Variants in ADAD2 observed in about 807,000 individuals in gnomAD.
ADAD2 encodes the protein adenosine deaminase domain-containing protein 2.
A neutral mutation model predicts 54.5 loss-of-function variants in ADAD2; 60 were observed. That is an observed-to-expected ratio of 1.10 (90% CI 0.89 to 1.36). The LOEUF (loss-of-function observed/expected upper bound fraction) is 1.36, where lower values mean the gene tolerates loss of function less well. ADAD2 is among the 40% of genes most tolerant of loss of function. The pLI is 0.00. For missense variants in ADAD2, 1,103 were observed against 801.3 expected, an observed-to-expected ratio of 1.38 and a Z score of -4.54; for synonymous variants, 543 against 366.2, an observed-to-expected ratio of 1.48 and a Z score of -5.51.
chr16:84,195,100 A>G lies in ADAD2; in HGVS notation c.639A>G (p.Ala213=), dbSNP rs749994006. Residue 213 remains alanine, a synonymous_variant, in exon 4 of 10, where the codon GCA becomes GCG. Transcript: ENST00000315906. The stretch of plus-strand genomic sequence containing the variant: ...TCCTGACCCATGAGCAGCGCTGCGC[A>G]GCGTTGGTGAGCGCCGGCTTTGACC... ...ENILTHEQRC[A]ALVSAGFDLL... is the part of the protein sequence containing the mutation. 3.1e-6 allele frequency: 5 copies of G among 1,613,592 alleles called. No individual in the cohort carries two copies. Among genetic ancestry groups the G allele is most frequent in the Admixed American group, 3.3e-5 (2 of 59,996 alleles).
chr16:84,191,883 G>C (rs925992599), intron 1 of ADAD2: 5 of 655,202 alleles, frequency 7.6e-6, no homozygotes, highest in African/African-American at 5.4e-5. Flanking sequence ...GTCATGGCAG[G>C]TGAACATTCT....
rs547879944 is a variant in ADAD2 at position 84,191,641 on chromosome 16, G to C, written c.411G>C (p.Gln137His). The change falls in exon 1 of 10, where the codon CAG becomes CAC. Residue 137 changes from glutamine to histidine, a missense_variant. Physicochemically the swap from Gln to His is conservative, Grantham distance 24. Coordinates refer to ENST00000315906, the MANE Select transcript of ADAD2 (RefSeq NM_001145400.2). ...LGIFLLFRED[Q>H]PPGPCFPFSV... The stretch of plus-strand genomic sequence containing the variant: ...TCTTCCTGCTCTTCCGGGAGGACCA[G>C]CCACCAGGTGAGGCCGGGCCGGGGC... 414 of 1,557,878 alleles carry C rather than the reference G, an allele frequency of 2.7e-4. 5 individuals carry two copies. In the South Asian group the frequency reaches 4.2e-3, roughly 16 times the overall value.
intron 9 of ADAD2, 24 bp from the exon 10 acceptor site, chr16:84,196,846 C>A (rs1425269983): frequency 1.6e-5 from 25 of 1,593,120 alleles, no homozygotes; most frequent in Non-Finnish European, 2.1e-5. Context: ...CTCCTCTCAC[C>A]CCACCTCTCA....
chr16:84,195,840 C>T lies in ADAD2; in HGVS notation c.1078C>T (p.Leu360Phe), dbSNP rs1428605567. ...IYLPPTSEGGLPHSPPMRLQA... is the reference protein window; with the variant it reads ...IYLPPTSEGGFPHSPPMRLQA... ...CCTGCCCCCCACCTCGGAAGGTGGC[C>T]TCCCGCACAGCCCACCCATGCGCCT... The change falls in exon 7 of 10, where the codon CTC (leucine) becomes TTC (phenylalanine). Residue 360 changes from leucine (L) to phenylalanine (F), a missense_variant. By Grantham distance (22) the Leu-to-Phe change is conservative (BLOSUM62 0). Coordinates refer to ENST00000315906, the MANE Select transcript of ADAD2 (RefSeq NM_001145400.2). 6.2e-7 allele frequency: 1 copy of T among 1,607,410 alleles called. No individual in the cohort carries two copies. Among genetic ancestry groups the T allele is most frequent in the Non-Finnish European group, 8.5e-7 (1 of 1,178,818 alleles).
At position 84,197,106 on chromosome 16, in the gene ADAD2, C is replaced by G. The variant is rs554776082; in HGVS notation, c.*132C>G. 1.1e-6 allele frequency: 1 copy of G among 924,486 alleles called. No homozygotes were observed. Among genetic ancestry groups the G allele is most frequent in the Admixed American group, 2.7e-5 (1 of 37,464 alleles). The allele number at this position is 924,486 out of a possible 1,614,324, so 57.3% of individuals were successfully genotyped here. ...ACTGGGGCTGGAGGGAAGGAGGAGC[C>G]TGCTGTGGTTGGGAGGCGGCTGCTG... is the stretch of plus-strand genomic sequence containing the variant. On this transcript the variant is annotated 3_prime_UTR_variant, in exon 10 of 10. Coordinates refer to ENST00000315906, the MANE Select transcript of ADAD2 (RefSeq NM_001145400.2).
rs139313669 is a variant in ADAD2, at chr16:84,194,612, C to T, written c.559+30C>T. 1,693 of 1,585,960 alleles carry T rather than the reference C, an allele frequency of 1.1e-3. 21 individuals are homozygous for T. The African/African-American group carries it at 0.02, about 19-fold the overall frequency. On this transcript the variant is annotated intron_variant, in intron 2 of 9. Coordinates refer to ENST00000315906, the MANE Select transcript of ADAD2 (RefSeq NM_001145400.2). ...TGGAGGGAGGGCCAGGCAGCTGAGC[C>T]GCAGCTGGGGACAAGAGGACTGAGG...
chr16:84,195,521 C>G lies in ADAD2; in HGVS notation c.885-9C>G. On this transcript the variant is annotated splice_polypyrimidine_tract_variant and intron_variant, in intron 5 of 9. Coordinates refer to ENST00000315906, the MANE Select transcript of ADAD2 (RefSeq NM_001145400.2). ...GTCTTCCCAACCACCCTGTGCCTGT[C>G]GCTCCTAGGTTCTTGTTCCGGCAGC... is the stretch of plus-strand genomic sequence containing the variant. 6.3e-7 allele frequency: 1 copy of G among 1,599,352 alleles called. No homozygotes were observed. The highest frequency in any genetic ancestry group is 8.5e-7 in the Non-Finnish European group (1 of 1,171,444).
At chr16:84,194,636 G>A (rs748779610) in intron 2 of ADAD2, 54 bp downstream of exon 2, 10 of 1,564,228 alleles carry the variant, frequency 6.4e-6, no homozygotes, top group African/African-American at 2.7e-5. Context: ...AGAGGACTGA[G>A]GCTGGCAGTC....
chr16:84,191,562 C>G lies in ADAD2; in HGVS notation c.332C>G (p.Pro111Arg). 1 of 1,549,006 alleles carries G rather than the reference C, an allele frequency of 6.5e-7. No homozygotes were observed. The highest frequency in any genetic ancestry group is 8.7e-7 in the Non-Finnish European group (1 of 1,146,792). Reference sequence around the variant, plus strand: ...GGGCTCAGCCTGCCGCTCAAAGACCCACCTGCCAGCCAGGCCGTGTCCTTG... The same window carrying G: ...GGGCTCAGCCTGCCGCTCAAAGACCGACCTGCCAGCCAGGCCGTGTCCTTG... The part of the protein sequence containing the change: ...PAGLSLPLKD[P>R]PASQAVSLLT... The change falls in exon 1 of 10, where the codon CCA becomes CGA. Residue 111 changes from proline to arginine, a missense_variant. Pro to Arg is a moderately radical substitution (Grantham distance 103, BLOSUM62 -2). Transcript: ENST00000315906.
rs772427252 is a variant in ADAD2 at position 84,191,305 on chromosome 16, C to T, written c.75C>T (p.Ile25=). 3 of 1,590,198 alleles carry T rather than the reference C, an allele frequency of 1.9e-6. No homozygotes were observed. The highest frequency in any genetic ancestry group is 1.7e-5 in the Admixed American group (1 of 58,252). Residue 25 remains isoleucine, a synonymous_variant, in exon 1 of 10, where the codon ATC becomes ATT. Transcript: ENST00000315906. ...RKPRLAASLQ[I]SPQPRPWRPL... ...CCCGCCTGGCTGCATCGTTGCAGAT[C>T]AGCCCCCAGCCCCGCCCCTGGCGAC...
chr16:84,196,305 C>CAACTGGAG lies in ADAD2; in HGVS notation c.1462_1469dup (p.Ser490ArgfsTer20). ...CTGACACCTGCCGTGGCCTGAGCCTCAACTGGAGCCTGGGGGACCCTGGCA... is the reference window on the plus strand; with the variant it reads ...CTGACACCTGCCGTGGCCTGAGCCTCAACTGGAGAACTGGAGCCTGGGGGACCCTGGCA... On this transcript the variant is annotated frameshift_variant, in exon 8 of 10. Coordinates refer to ENST00000315906, the MANE Select transcript of ADAD2 (RefSeq NM_001145400.2). LOFTEE classifies it high-confidence loss of function. The CAACTGGAG allele has an allele frequency of 6.2e-7, 1 of 1,612,996 alleles. No individual in the cohort carries two copies. Among genetic ancestry groups the CAACTGGAG allele is most frequent in the South Asian group, 1.1e-5 (1 of 91,086 alleles).
chr16:84,194,913 G>A lies in ADAD2; in HGVS notation c.560-20G>A, dbSNP rs531874348. On this transcript the variant is annotated intron_variant, in intron 2 of 9. Coordinates refer to ENST00000315906, the MANE Select transcript of ADAD2 (RefSeq NM_001145400.2). ...TGGGCCTTGGCACCCACACCAGCCC[G>A]CCCTCCTTGCCTCTTTCAGAGTCCC... 3.5e-5 allele frequency: 55 copies of A among 1,589,688 alleles called. No individual in the cohort carries two copies. The highest frequency in any genetic ancestry group is 1.3e-4 in the East Asian group (6 of 44,736).
intron 8 of ADAD2, 100 bp downstream of exon 8, chr16:84,196,470 TCGC>T (rs2089732299): frequency 3.3e-5 from 23 of 695,334 alleles, no homozygotes; most frequent in Admixed American, 3.0e-4. Context: ...CGCAACCCCT[TCGC>T]TCAACCCCTT....
Position 84,195,963 on chromosome 16 carries a change from G to A in ADAD2, c.1201G>A (p.Ala401Thr), listed in dbSNP as rs775538066. Residue 401 changes from alanine to threonine, a missense_variant, in exon 7 of 10, where the codon GCA becomes ACA. Physicochemically the swap from Ala to Thr is moderately conservative, Grantham distance 58. Coordinates refer to ENST00000315906, the MANE Select transcript of ADAD2 (RefSeq NM_001145400.2). ...CTGCCTGTCAGCCAGTGACAAGCTGGCACGCTGGGCCGTGCTGGGGCTGGG... is the reference window on the plus strand; with the variant it reads ...CTGCCTGTCAGCCAGTGACAAGCTGACACGCTGGGCCGTGCTGGGGCTGGG... ...VGCLSASDKL[A>T]RWAVLGLGGA... 4.4e-6 allele frequency: 7 copies of A among 1,599,162 alleles called. No homozygotes were observed. In the South Asian group the frequency reaches 5.5e-5, roughly 13 times the overall value.
Position 84,195,829 on chromosome 16 carries a change from C to A in ADAD2, c.1067C>A (p.Ser356Ter). ...AARDIYLPPTSEGGLPHSPPM... is the reference protein window; with the variant it reads ...AARDIYLPPT ...CCGGCCCGCAGCCTGCCCCCCACCT[C>A]GGAAGGTGGCCTCCCGCACAGCCCA... The change falls in exon 7 of 10, where the codon TCG (serine) becomes TAG (stop). Residue 356 changes from serine (S) to a stop codon, truncating the protein, a stop_gained. Coordinates refer to ENST00000315906, the MANE Select transcript of ADAD2 (RefSeq NM_001145400.2). LOFTEE classifies it high-confidence loss of function. The A allele has an allele frequency of 6.2e-7, 1 of 1,605,582 alleles. No individual in the cohort carries two copies.
In ADAD2 at chr16:84,195,619, C is replaced by T. The variant is rs1358880013; in HGVS notation, c.974C>T (p.Pro325Leu). The T allele has an allele frequency of 6.2e-7, 1 of 1,604,462 alleles. No homozygotes were observed. Among genetic ancestry groups the T allele is most frequent in the Admixed American group, 1.7e-5 (1 of 58,350 alleles). Residue 325 changes from proline to leucine, a missense_variant, in exon 6 of 10, where the codon CCC (proline) becomes CTC (leucine). Coordinates refer to ENST00000315906, the MANE Select transcript of ADAD2 (RefSeq NM_001145400.2). ...SVLAPQPGPGPPFTLKPRVFL... is the reference protein window; with the variant it reads ...SVLAPQPGPGLPFTLKPRVFL... ...CTGGCCCCCCAGCCAGGGCCCGGAC[C>T]CCCATTCACCCTCAAGCCCCGCGTC...
Position 84,191,537 on chromosome 16 carries a change from G to A in ADAD2, c.307G>A (p.Gly103Arg). 2 of 1,547,624 alleles carry A rather than the reference G, an allele frequency of 1.3e-6. No homozygotes were observed. Among genetic ancestry groups the A allele is most frequent in the Non-Finnish European group, 1.7e-6 (2 of 1,146,726 alleles). The change falls in exon 1 of 10, where the codon GGG becomes AGG. Residue 103 changes from glycine to arginine, a missense_variant. Gly to Arg is a moderately radical substitution (Grantham distance 125). Coordinates refer to ENST00000315906, the MANE Select transcript of ADAD2 (RefSeq NM_001145400.2). ...KAPRVPVPPA[G>R]LSLPLKDPPA... ...CCCGAGGGTCCCTGTGCCCCCAGCA[G>A]GGCTCAGCCTGCCGCTCAAAGACCC...
intron 1 of ADAD2, chr16:84,193,022 T>C (rs986898853): frequency 6.6e-6 from 1 of 152,248 alleles, no homozygotes; most frequent in Admixed American, 6.5e-5. Context: ...TTTTTTTGTG[T>C]TTTAATAGAG....
At chr16:84,194,814 C>T in intron 2 of ADAD2, 119 bp from the exon 3 acceptor site, 2 of 1,299,132 alleles carry the variant, frequency 1.5e-6, no homozygotes. Flanking sequence ...AGAAGAGCAG[C>T]TCGTGTAATG....
Sources: allele counts gnomAD v4.1 joint callset, GRCh38; gene constraint gnomAD v4.1.1; transcripts MANE v1.5; gene names NCBI Gene and HGNC (gene_info 2026-07-23, HGNC 2026-07-21).